DCDC1: variants seen among roughly 807,000 people sequenced by gnomAD.
DCDC1 encodes the protein doublecortin domain containing 1.
A neutral mutation model predicts 178.3 loss-of-function variants in DCDC1; 200 were observed. That is an observed-to-expected ratio of 1.12 (90% CI 1.00 to 1.26). The LOEUF is 1.26. Ranked by LOEUF, DCDC1 falls within the 50% of genes most tolerant of loss-of-function variation. DCDC1 has a pLI of 0.00. For missense variants in DCDC1, 1,983 were observed against 1,749.2 expected (o/e 1.13, Z -2.38); for synonymous variants, 690 against 604.8 (o/e 1.14, Z -2.07).
intron 9 of DCDC1, among the ~76,000 whole-genome samples, chr11:31,203,143 T>C (rs186921457): frequency 5.9e-5 from 9 of 152,132 alleles, no homozygotes; most frequent in Non-Finnish European, 8.8e-5. Flanking sequence ...AAATAAAATG[T>C]CATGAAAGAC....
At position 31,335,470 on chromosome 11, in the gene DCDC1, C is replaced by T. The variant is rs566346607; in HGVS notation, c.-30G>A. 1 of 152,368 alleles carries T rather than the reference C, an allele frequency of 6.6e-6. No individual in the cohort carries two copies. Among genetic ancestry groups the T allele is most frequent in the East Asian group, 1.9e-4 (1 of 5,194 alleles). The allele number at this position is 152,368 out of a possible 1,614,324, so 9.4% of individuals were successfully genotyped here. A position where few individuals can be genotyped will look rare whatever the true frequency, so the allele number is the denominator to read the frequency against. On this transcript the variant is annotated 5_prime_UTR_variant, in exon 2 of 39. It adds an upstream start codon to the 5' untranslated region. Transcript: ENST00000684477. ...ACCTTAGTTGGAAATGCAGAAATCA[C>T]CCATCTTCTACATTAATCACGCTGG...
intron 11 of DCDC1, among the ~76,000 whole-genome samples, chr11:31,118,991 T>C (rs1960388833): frequency 6.6e-6 from 1 of 152,092 alleles, no homozygotes; most frequent in African/African-American, 2.4e-5. Flanking sequence ...TAAGGTAGTA[T>C]GAATATACTG....
At chr11:31,127,694 C>A (rs1371366760) in intron 10 of DCDC1, 55 bp from the exon 11 acceptor site, 2 of 673,846 alleles carry the variant, frequency 3.0e-6, no homozygotes, top group Non-Finnish European at 5.4e-6. Context: ...TGATGTCACA[C>A]CTATTAGATT....
chr11:30,929,522 G>A (rs560586509), intron 22 of DCDC1, among the ~76,000 whole-genome samples: 1 of 152,112 alleles, frequency 6.6e-6, no homozygotes, highest in African/African-American at 2.4e-5. Context: ...TGGTTTGAGA[G>A]TGGGAATTGG....
intron 9 of DCDC1, among the ~76,000 whole-genome samples, chr11:31,194,118 C>T (rs1197716430): frequency 1.3e-5 from 2 of 152,054 alleles, no homozygotes; most frequent in African/African-American, 2.4e-5. Context: ...CATTTGGCTA[C>T]GAAGAGTATT....
At chr11:30,949,624 G>T (rs1948285651) in intron 21 of DCDC1, among the ~76,000 whole-genome samples, 1 of 152,152 alleles carries the variant, frequency 6.6e-6, no homozygotes, top group South Asian at 2.1e-4. Flanking sequence ...ATCAATGATA[G>T]ACTGGATAAA....
intron 17 of DCDC1, among the ~76,000 whole-genome samples, chr11:31,078,483 A>T (rs1264165883): frequency 6.6e-6 from 1 of 152,222 alleles, no homozygotes; most frequent in Non-Finnish European, 1.5e-5. Flanking sequence ...AAATCTTACA[A>T]AGGTGGAACA....
rs141399833 is a variant in DCDC1, at chr11:31,288,379, A to G, written c.960+2268T>C. ...GATTTAAATCGCAAAGAGATGTGCT[A>G]TAATTCCGGTATTCCAGAGTTTAGT... On this transcript the variant is annotated intron_variant, in intron 7 of 38. Transcript: ENST00000684477. Among the ~76,000 whole-genome samples the G allele has an allele frequency of 1.5e-4, 23 of 152,120 alleles. No homozygotes were observed. In the East Asian group the frequency reaches 4.1e-3, roughly 27 times the overall value.
intron 9 of DCDC1, among the ~76,000 whole-genome samples, chr11:31,155,255 T>C (rs1282824516): frequency 6.6e-6 from 1 of 152,216 alleles, no homozygotes; most frequent in East Asian, 1.9e-4. Context: ...TCTTTTGATA[T>C]TTTCATGTTC....
At chr11:31,324,764 A>G (rs1172088932) in intron 3 of DCDC1, among the ~76,000 whole-genome samples, 2 of 152,184 alleles carry the variant, frequency 1.3e-5, no homozygotes, top group African/African-American at 4.8e-5. Flanking sequence ...TTATATTTCA[A>G]AAAGGATCTA....
At chr11:31,352,875 C>T (rs1055126055) in intron 1 of DCDC1, among the ~76,000 whole-genome samples, 3 of 152,128 alleles carry the variant, frequency 2.0e-5, no homozygotes, top group Non-Finnish European at 4.4e-5. Context: ...TAGATTAGAT[C>T]AGGTTTAACT....
At chr11:31,214,485 T>C (rs1353160408) in intron 9 of DCDC1, among the ~76,000 whole-genome samples, 4 of 152,170 alleles carry the variant, frequency 2.6e-5, no homozygotes, top group Admixed American at 6.5e-5. Flanking sequence ...GAATTATCAG[T>C]GGGCCTGAGA....
At chr11:30,972,205 C>T (rs1365481109) in intron 20 of DCDC1, among the ~76,000 whole-genome samples, 1 of 152,092 alleles carries the variant, frequency 6.6e-6, no homozygotes, top group Non-Finnish European at 1.5e-5. Flanking sequence ...AAGTCAATAA[C>T]AGAGAAAATT....
intron 20 of DCDC1, among the ~76,000 whole-genome samples, chr11:31,026,154 G>A (rs1305302069): frequency 6.6e-6 from 1 of 151,732 alleles, no homozygotes; most frequent in East Asian, 1.9e-4. Flanking sequence ...TTAAAAGGAA[G>A]CATAAAGAGC....
intron 20 of DCDC1, among the ~76,000 whole-genome samples, chr11:31,029,249 T>C (rs1247677233): frequency 6.6e-6 from 1 of 152,108 alleles, no homozygotes; most frequent in African/African-American, 2.4e-5. Flanking sequence ...ATTTTATAAT[T>C]CCTGAAATAA....
chr11:30,890,004 G>C (rs1156715235), intron 36 of DCDC1, among the ~76,000 whole-genome samples: 1 of 152,174 alleles, frequency 6.6e-6, no homozygotes, highest in African/African-American at 2.4e-5. Context: ...AGAAAAAGAA[G>C]AGACGCCAGG....
chr11:31,109,080 A>G (rs554037705), intron 12 of DCDC1, among the ~76,000 whole-genome samples: 2 of 151,988 alleles, frequency 1.3e-5, no homozygotes, highest in African/African-American at 2.4e-5. Flanking sequence ...TCAGTGTGCT[A>G]TAAGTCAACA....
intron 9 of DCDC1, among the ~76,000 whole-genome samples, chr11:31,157,027 T>G (rs1333914150): frequency 6.6e-6 from 1 of 152,112 alleles, no homozygotes; most frequent in Non-Finnish European, 1.5e-5. Context: ...CTTATAAAAA[T>G]AAGTTTACCC....
chr11:31,162,328 T>A (rs1345521266), intron 9 of DCDC1, among the ~76,000 whole-genome samples: 1 of 152,070 alleles, frequency 6.6e-6, no homozygotes, highest in Non-Finnish European at 1.5e-5. Context: ...TTGCTTGGAG[T>A]TTAATCAAGC....
Sources: gnomAD v4.1 joint callset for allele counts (sites outside exome capture counted in the v4.1 genomes callset) on GRCh38, gnomAD v4.1.1 for gene constraint, MANE v1.5 for transcripts, NCBI Gene and HGNC (gene_info 2026-07-23, HGNC 2026-07-21) for gene names.